SPEF2: variants seen among roughly 807,000 people sequenced by gnomAD.
SPEF2 encodes the protein sperm flagella and cilia-associated protein 2.
Under a neutral mutation model 224.6 loss-of-function variants are expected in SPEF2, and 187 were observed. The ratio of observed to expected loss-of-function variants is 0.83; its 90% confidence interval spans 0.74 to 0.94. The LOEUF (loss-of-function observed/expected upper bound fraction) is 0.94. SPEF2 is among the 40% of genes least tolerant of loss of function. The pLI, the probability that SPEF2 is intolerant of heterozygous loss-of-function variation, is 0.00. For missense variants in SPEF2, 2,170 were observed against 2,135.6 expected (o/e 1.02, Z -0.32); for synonymous variants, 715 against 707.3 (o/e 1.01, Z -0.17).
At chr5:35,683,510 T>C (rs1433998460) in intron 10 of SPEF2, among the ~76,000 whole-genome samples, 2 of 152,244 alleles carry the variant, frequency 1.3e-5, no homozygotes, top group African/African-American at 4.8e-5. Context: ...CTGTAATCCC[T>C]GCTACTTGGG....
At position 35,712,887 on chromosome 5, in the gene SPEF2, G is replaced by A. The variant is rs764482212; in HGVS notation, c.2914+1G>A. 4.3e-6 allele frequency: 7 copies of A among 1,612,416 alleles called. No individual in the cohort carries two copies. The highest frequency in any genetic ancestry group is 2.2e-5 in the East Asian group (1 of 44,844). The stretch of plus-strand genomic sequence containing the variant: ...GGTGAGACCGCACTCAAAAGAAAAG[G>A]TACAGCAGATAAAAATATATATAAT... On this transcript the variant is annotated splice_donor_variant, in intron 20 of 36. Coordinates refer to ENST00000356031, the MANE Select transcript of SPEF2 (RefSeq NM_024867.4). LOFTEE classifies it high-confidence loss of function.
At chr5:35,738,864 G>A (rs1317386405) in intron 21 of SPEF2, among the ~76,000 whole-genome samples, 1 of 152,048 alleles carries the variant, frequency 6.6e-6, no homozygotes, top group Non-Finnish European at 1.5e-5. Flanking sequence ...AGATCAGTTA[G>A]TAAACTGCTA....
rs532438582 is a variant in SPEF2, at chr5:35,761,719, C to G, written c.3621-1803C>G. Among the ~76,000 whole-genome samples the G allele has an allele frequency of 5.9e-5, 9 of 152,292 alleles. No homozygotes were observed. In the South Asian group the frequency reaches 1.0e-3, roughly 18 times the overall value. ...AAAAATCCAAAGGCGGTATAAACCA[C>G]TAGAACCATCAAAAGAGGCCAAATT... On this transcript the variant is annotated intron_variant, in intron 25 of 36. Coordinates refer to ENST00000356031, the MANE Select transcript of SPEF2 (RefSeq NM_024867.4).
intron 2 of SPEF2, among the ~76,000 whole-genome samples, chr5:35,630,171 C>G (rs2149374522): frequency 6.6e-6 from 1 of 152,306 alleles, no homozygotes; most frequent in East Asian, 1.9e-4. Flanking sequence ...CCCCTCCTGG[C>G]TGCATTCACA....
At chr5:35,685,861 CAA>C (rs374830821) in intron 10 of SPEF2, among the ~76,000 whole-genome samples, 12 of 130,778 alleles carry the variant, frequency 9.2e-5, no homozygotes, top group Non-Finnish European at 6.8e-5. Flanking sequence ...ATACCTTCCT[CAA>C]AAAAAAAAAA....
intron 20 of SPEF2, among the ~76,000 whole-genome samples, chr5:35,722,459 T>C (rs1405932127): frequency 6.6e-6 from 1 of 151,074 alleles, no homozygotes; most frequent in Non-Finnish European, 1.5e-5. Flanking sequence ...TGAGAGGTTT[T>C]TTTTTGTTTT....
intron 10 of SPEF2, chr5:35,671,344 C>T: frequency 7.4e-6 from 7 of 946,150 alleles, no homozygotes; most frequent in Non-Finnish European, 8.8e-6. Context: ...TAAATGTATA[C>T]TATATTTTAA....
chr5:35,762,694 C>T (rs997617448), intron 25 of SPEF2, among the ~76,000 whole-genome samples: 1 of 152,170 alleles, frequency 6.6e-6, no homozygotes, highest in Non-Finnish European at 1.5e-5. Context: ...AGCTGATAGC[C>T]CTTTGCACTT....
At chr5:35,807,052 C>A in intron 35 of SPEF2, 79 bp from the exon 36 acceptor site, 2 of 1,562,992 alleles carry the variant, frequency 1.3e-6, no homozygotes, top group Non-Finnish European at 8.6e-7. Context: ...TACAGAATCT[C>A]TTTAGTAAAT....
At chr5:35,788,718 C>T in intron 30 of SPEF2, 1 of 702,984 alleles carries the variant, frequency 1.4e-6, no homozygotes, top group Non-Finnish European at 2.6e-6. Context: ...AACGAGGTGG[C>T]CCTACTATTA....
At chr5:35,709,196 CT>C in intron 19 of SPEF2, 75 bp downstream of exon 19, 1 of 1,576,036 alleles carries the variant, frequency 6.3e-7, no homozygotes, top group South Asian at 1.2e-5. Flanking sequence ...AAATTATAGT[CT>C]ATCTACATTC....
intron 10 of SPEF2, among the ~76,000 whole-genome samples, chr5:35,672,438 T>C (rs570825355): frequency 1.4e-4 from 21 of 150,306 alleles, no homozygotes; most frequent in South Asian, 4.3e-4. Context: ...TAATGACAAA[T>C]GTGGACAACT....
Position 35,709,025 on chromosome 5 carries a change from C to T in SPEF2, c.2743C>T (p.Pro915Ser), listed in dbSNP as rs1424636855. 1.9e-6 allele frequency: 3 copies of T among 1,613,592 alleles called. No individual in the cohort carries two copies. The East Asian group carries it at 6.7e-5, about 36-fold the overall frequency. Residue 915 changes from proline to serine, a missense_variant, in exon 19 of 37, where the codon CCT becomes TCT. Physicochemically the swap from Pro to Ser is moderately conservative, Grantham distance 74. Coordinates refer to ENST00000356031, the MANE Select transcript of SPEF2 (RefSeq NM_024867.4). ...GGCTGAGCTTCCACTTCCTACACCT[C>T]CTCCTGCTCCTCCTCCTGAACCAGA... ...SLAELPLPTP[P>S]PAPPPEPEKE...
intron 23 of SPEF2, among the ~76,000 whole-genome samples, chr5:35,741,674 A>G (rs1270130386): frequency 6.6e-6 from 1 of 152,202 alleles, no homozygotes; most frequent in Non-Finnish European, 1.5e-5. Flanking sequence ...AATAGAAGCA[A>G]GGCGTCATTG....
chr5:35,710,251 A>G, intron 19 of SPEF2: 4 of 984,842 alleles, frequency 4.1e-6, no homozygotes, highest in Non-Finnish European at 2.4e-6. Context: ...AATATTTAAA[A>G]TGCTTTTTAG....
intron 30 of SPEF2, 93 bp from the exon 31 acceptor site, chr5:35,792,247 G>T: frequency 1.2e-6 from 1 of 811,286 alleles, no homozygotes. Context: ...TGAATAAAGA[G>T]AGTTTTAAAA....
At chr5:35,747,476 A>G (rs938141848) in intron 23 of SPEF2, among the ~76,000 whole-genome samples, 1 of 152,198 alleles carries the variant, frequency 6.6e-6, no homozygotes, top group East Asian at 1.9e-4. Flanking sequence ...ACATAAACTT[A>G]AAGGGGTGGA....
intron 30 of SPEF2, chr5:35,788,387 T>C: frequency 1.4e-6 from 1 of 702,998 alleles, no homozygotes; most frequent in Non-Finnish European, 2.6e-6. Flanking sequence ...AATGTTTACA[T>C]ACTTTATTGC....
intron 7 of SPEF2, among the ~76,000 whole-genome samples, chr5:35,657,941 G>A (rs1749175975): frequency 1.3e-5 from 2 of 152,282 alleles, no homozygotes; most frequent in South Asian, 4.1e-4. Context: ...CTTTCCTGCA[G>A]TGCCCTATTC....
Sources: gnomAD v4.1 joint callset for allele counts (sites outside exome capture counted in the v4.1 genomes callset) on GRCh38, gnomAD v4.1.1 for gene constraint, MANE v1.5 for transcripts, NCBI Gene and HGNC (gene_info 2026-07-23, HGNC 2026-07-21) for gene names.